SCML1: variants seen among roughly 807,000 people sequenced by gnomAD.
The protein encoded by SCML1 is sex comb on midleg-like protein 1.
For synonymous variants in SCML1, 104 were observed against 103.6 expected (o/e 1.00, Z -0.02); for missense variants, 137 against 258.1 (o/e 0.53, Z 3.22).
At chrX:17,753,184 C>G in intron 7 of SCML1, 74 bp from the exon 8 acceptor site, 1 of 894,129 alleles carries the variant, frequency 1.1e-6, no homozygotes, top group Admixed American at 3.6e-5. Context: ...TTTACATGTT[C>G]TCATAAAGAA....
chrX:17,741,639 T>TTTGTTGTTGTCGTCA (rs1398929670), intron 1 of SCML1, among the ~76,000 whole-genome samples: 1 of 111,869 alleles, frequency 8.9e-6, no homozygotes, highest in Non-Finnish European at 1.9e-5. Flanking sequence ...CCCGCCTTAT[T>TTTGTTGTTGTCGTCA]TTGTTGTTGT....
In SCML1 at chrX:17,753,744, G is replaced by C. The variant is rs185974021; in HGVS notation, c.*352G>C. On this transcript the variant is annotated 3_prime_UTR_variant, in exon 8 of 8. Transcript: ENST00000380041. ...ACAGAGAACCAAAACAGCTAAGAGA[G>C]GTATTATCAGGGTTGACAACTCCTA... 9.0e-6 allele frequency: 1 copy of C among 111,452 alleles called. No individual in the cohort carries two copies. Among genetic ancestry groups the C allele is most frequent in the East Asian group, 2.8e-4 (1 of 3,572 alleles). The allele number at this position is 111,452 out of a possible 1,213,427, so 9.2% of individuals were successfully genotyped here.
chrX:17,747,255 G>A (rs889823566), intron 4 of SCML1, among the ~76,000 whole-genome samples: 6 of 111,495 alleles, frequency 5.4e-5, no homozygotes, highest in African/African-American at 1.6e-4. Context: ...CACCCTTGCT[G>A]CTTTCTGCAT....
At position 17,753,611 on chromosome X, in the gene SCML1, T is replaced by C. The variant is rs1055477294; in HGVS notation, c.*219T>C. 9.1e-6 allele frequency: 2 copies of C among 219,755 alleles called. No individual in the cohort carries two copies. Among genetic ancestry groups the C allele is most frequent in the Non-Finnish European group, 1.6e-5 (2 of 122,535 alleles). The allele number at this position is 219,755 out of a possible 1,213,427, so 18.1% of individuals were successfully genotyped here. A position where few individuals can be genotyped will look rare whatever the true frequency, so the allele number is the denominator to read the frequency against. ...GTATTAGAATAGTCCAATAGAAAAT[T>C]CATTCTTTATAGGTCTTTAAAAATT... On this transcript the variant is annotated 3_prime_UTR_variant, in exon 8 of 8. Transcript: ENST00000380041.
Position 17,749,882 on chromosome X carries a change from G to A in SCML1, c.304-12G>A, listed in dbSNP as rs1169868285. Reference sequence around the variant, plus strand: ...CTCACTGTTGGTTTATGCTGTGTTTGTGTGATTTCAGAAGCGATATGGATA... The same window carrying A: ...CTCACTGTTGGTTTATGCTGTGTTTATGTGATTTCAGAAGCGATATGGATA... On this transcript the variant is annotated splice_polypyrimidine_tract_variant and intron_variant, in intron 5 of 7. Coordinates refer to ENST00000380041, the MANE Select transcript of SCML1 (RefSeq NM_001037540.3). 3.4e-6 allele frequency: 4 copies of A among 1,192,515 alleles called. No homozygotes were observed. In the Admixed American group the frequency reaches 9.2e-5, roughly 27 times the overall value.
At chrX:17,738,350 T>G (rs986490175) in intron 1 of SCML1, among the ~76,000 whole-genome samples, 7 of 111,782 alleles carry the variant, frequency 6.3e-5, no homozygotes, top group Admixed American at 1.9e-4. Context: ...CGTCCCTCCC[T>G]CCTCTCCCCG....
At chrX:17,750,713 A>G (rs1300911879) in intron 6 of SCML1, among the ~76,000 whole-genome samples, 1 of 111,920 alleles carries the variant, frequency 8.9e-6, no homozygotes, top group Non-Finnish European at 1.9e-5. Context: ...TGCTTTTCCA[A>G]ATCTTCTATT....
intron 4 of SCML1, among the ~76,000 whole-genome samples, chrX:17,746,527 A>G (rs1342226149): frequency 3.6e-5 from 4 of 112,439 alleles, no homozygotes; most frequent in African/African-American, 1.3e-4. Flanking sequence ...AGTTGTTTTA[A>G]GAATCACCAT....
At chrX:17,747,623 C>T (rs1418683569) in intron 4 of SCML1, among the ~76,000 whole-genome samples, 3 of 111,854 alleles carry the variant, frequency 2.7e-5, no homozygotes, top group Non-Finnish European at 5.6e-5. Context: ...CTGAAAAGGT[C>T]TCCGTGACTG....
chrX:17,739,373 CAA>C (rs772613561), intron 1 of SCML1, among the ~76,000 whole-genome samples: 1 of 110,236 alleles, frequency 9.1e-6, no homozygotes, highest in East Asian at 2.8e-4. Context: ...GTGGTATTAT[CAA>C]GAGTTTAGAT....
chrX:17,743,940 G>T (rs991919731), intron 1 of SCML1, 131 bp from the exon 2 acceptor site: 7 of 311,028 alleles, frequency 2.3e-5, no homozygotes, highest in Non-Finnish European at 3.9e-5. Context: ...GGCCATGGAA[G>T]AATTCTGGTT....
chrX:17,739,293 G>T (rs1368101681), intron 1 of SCML1, among the ~76,000 whole-genome samples: 1 of 112,152 alleles, frequency 8.9e-6, no homozygotes, highest in Non-Finnish European at 1.9e-5. Context: ...GTCATGGTTG[G>T]GCTCTGAGAA....
rs1305550126 is a variant in SCML1 at position 17,744,233 on chromosome X, T to G, written c.33+14T>G. ...GAAATCGATGTGGTTTGTATTCAAA[T>G]TGAAAATCTGTCTTTGTTCTTTTTA... On this transcript the variant is annotated intron_variant, in intron 2 of 7. Transcript: ENST00000380041. The G allele has an allele frequency of 1.7e-6, 2 of 1,185,865 alleles. No homozygotes were observed. The highest frequency in any genetic ancestry group is 1.1e-6 in the Non-Finnish European group (1 of 872,287).
intron 4 of SCML1, among the ~76,000 whole-genome samples, chrX:17,747,918 T>C (rs1479822721): frequency 9.0e-6 from 1 of 111,603 alleles, no homozygotes; most frequent in Non-Finnish European, 1.9e-5. Flanking sequence ...GTGGCTGGAC[T>C]GTAGTATTTG....
At chrX:17,744,400 C>G (rs2066626531) in intron 2 of SCML1, 181 bp downstream of exon 2, 1 of 350,284 alleles carries the variant, frequency 2.9e-6, no homozygotes, top group Non-Finnish European at 4.9e-6. Flanking sequence ...TGTGAACACA[C>G]ACTTAAATTT....
intron 4 of SCML1, among the ~76,000 whole-genome samples, chrX:17,748,839 G>A (rs769631279): frequency 8.4e-4 from 94 of 112,167 alleles, no homozygotes; most frequent in African/African-American, 2.9e-3. Context: ...CGATTGGCGC[G>A]TAAGAGATGT....
rs766928687 is a variant in SCML1 at position 17,753,332 on chromosome X, G to T, written c.930G>T (p.Thr310=). 8.5e-7 allele frequency: 1 copy of T among 1,182,593 alleles called. No homozygotes were observed. Among genetic ancestry groups the T allele is most frequent in the East Asian group, 3.0e-5 (1 of 33,035 alleles). The change falls in exon 8 of 8, where the codon ACG becomes ACT. Residue 310 remains threonine (T), a synonymous_variant. Transcript: ENST00000380041. ...LLKHLGVKLG[T]AVKLCYYIDR... ...AGCACTTGGGGGTGAAGCTGGGAACGGCTGTGAAGCTATGCTACTACATTG... is the reference window on the plus strand; with the variant it reads ...AGCACTTGGGGGTGAAGCTGGGAACTGCTGTGAAGCTATGCTACTACATTG...
rs758861526 is a variant in SCML1, at chrX:17,750,187, T to C, written c.597T>C (p.Asp199=). The change falls in exon 6 of 8, where the codon GAT becomes GAC. Residue 199 remains aspartate, a synonymous_variant. Transcript: ENST00000380041. ...ATTGTCAGCCGTATTATGCATCTGA[T>C]GGTGCAACGTATGGTTCTTCTTCAG... The part of the protein sequence containing the change: ...EHNCQPYYAS[D]GATYGSSSGL... 18 of 1,210,263 alleles carry C rather than the reference T, an allele frequency of 1.5e-5. No individual in the cohort carries two copies. The highest frequency in any genetic ancestry group is 2.0e-5 in the Non-Finnish European group (18 of 894,983).
chrX:17,737,644 C>T lies in SCML1; in HGVS notation c.-153C>T, dbSNP rs1050241759. 1 of 111,318 alleles carries T rather than the reference C, an allele frequency of 9.0e-6. No individual in the cohort carries two copies. Among genetic ancestry groups the T allele is most frequent in the African/African-American group, 3.3e-5 (1 of 30,624 alleles). 9.2% of individuals were successfully genotyped at this position (111,318 alleles called of 1,213,427 possible). A position where few individuals can be genotyped will look rare whatever the true frequency, so the allele number is the denominator to read the frequency against. ...ACTGCGAGCAGTTTTACCGCGACCTCCGGAGGCCGGCGTGACAGGCTCTGT... is the reference window on the plus strand; with the variant it reads ...ACTGCGAGCAGTTTTACCGCGACCTTCGGAGGCCGGCGTGACAGGCTCTGT... On this transcript the variant is annotated 5_prime_UTR_variant, in exon 1 of 8. Transcript: ENST00000380041.
Sources: allele counts gnomAD v4.1 joint callset (sites outside exome capture counted in the v4.1 genomes callset), GRCh38; gene constraint gnomAD v4.1.1; transcripts MANE v1.5; gene names NCBI Gene and HGNC (gene_info 2026-07-23, HGNC 2026-07-21).